Variants in PKHD1 observed in about 807,000 individuals in gnomAD.
PKHD1 encodes PKHD1 ciliary IPT domain containing fibrocystin/polyductin, also known as fibrocystin.
A neutral mutation model predicts 412.0 loss-of-function variants in PKHD1; 291 were observed. That is an observed-to-expected ratio of 0.71 (90% confidence interval 0.64 to 0.78). The LOEUF (loss-of-function observed/expected upper bound fraction) is 0.78, where lower values mean the gene tolerates loss of function less well. PKHD1 is among the 30% of genes least tolerant of loss of function. PKHD1 has a pLI of 0.00. For synonymous variants in PKHD1, 1,777 were observed against 1,821.5 expected (o/e 0.98, Z 0.62); for missense variants, 4,825 against 4,950.7 (o/e 0.97, Z 0.76).
At chr6:51,768,850 C>T (rs1477922526) in intron 55 of PKHD1, among the ~76,000 whole-genome samples, 1 of 151,492 alleles carries the variant, frequency 6.6e-6, no homozygotes, top group Non-Finnish European at 1.5e-5. Flanking sequence ...ATGGTTATAC[C>T]ATCCAAATAA....
At chr6:51,850,219 T>C (rs530120626) in intron 49 of PKHD1, among the ~76,000 whole-genome samples, 41 of 152,352 alleles carry the variant, frequency 2.7e-4, no homozygotes, top group Middle Eastern at 3.4e-3. Context: ...TGTGGTGTTA[T>C]TTCTGAAGTC....
chr6:51,709,057 T>C (rs1453388796), intron 60 of PKHD1, among the ~76,000 whole-genome samples: 1 of 152,210 alleles, frequency 6.6e-6, no homozygotes, highest in African/African-American at 2.4e-5. Flanking sequence ...CCTTAGATCA[T>C]AAGCATAGGT....
chr6:51,866,144 C>A (rs1775036446), intron 48 of PKHD1, among the ~76,000 whole-genome samples: 1 of 152,048 alleles, frequency 6.6e-6, no homozygotes, highest in Non-Finnish European at 1.5e-5. Context: ...CACATCAGGG[C>A]CAAGAGATTT....
intron 37 of PKHD1, among the ~76,000 whole-genome samples, chr6:51,927,314 G>A (rs1263329746): frequency 6.6e-6 from 1 of 152,128 alleles, no homozygotes; most frequent in Non-Finnish European, 1.5e-5. Flanking sequence ...GAGGACACAT[G>A]CATAGGATCA....
intron 65 of PKHD1, among the ~76,000 whole-genome samples, chr6:51,630,035 GT>G (rs1767737578): frequency 6.6e-6 from 1 of 152,040 alleles, no homozygotes; most frequent in Admixed American, 6.6e-5. Flanking sequence ...ATATGTCAAC[GT>G]TGAGAAGATC....
chr6:51,648,145 G>T, intron 62 of PKHD1, 27 bp from the exon 63 acceptor site: 1 of 1,313,770 alleles, frequency 7.6e-7, no homozygotes, highest in Non-Finnish European at 1.1e-6. Context: ...GAGGAGGGAG[G>T]AAGAAAAAGT....
At chr6:51,643,252 G>C (rs1769610270) in intron 63 of PKHD1, among the ~76,000 whole-genome samples, 1 of 152,024 alleles carries the variant, frequency 6.6e-6, no homozygotes, top group Non-Finnish European at 1.5e-5. Flanking sequence ...GGGCAACCTT[G>C]GATAAATTCA....
At chr6:51,940,569 G>A (rs924802981) in intron 36 of PKHD1, among the ~76,000 whole-genome samples, 2 of 151,658 alleles carry the variant, frequency 1.3e-5, no homozygotes, top group African/African-American at 4.8e-5. Context: ...CAACTCACCT[G>A]GAAGCCACTT....
intron 33 of PKHD1, among the ~76,000 whole-genome samples, chr6:52,019,905 A>C (rs1490599648): frequency 6.6e-6 from 1 of 152,224 alleles, no homozygotes; most frequent in Non-Finnish European, 1.5e-5. Context: ...CCTCCAAAAT[A>C]GCAAAAGCAC....
intron 43 of PKHD1, among the ~76,000 whole-genome samples, chr6:51,900,464 C>T (rs1781051614): frequency 6.6e-6 from 1 of 152,124 alleles, no homozygotes; most frequent in Admixed American, 6.5e-5. Flanking sequence ...AATTGGCTAG[C>T]CATATGTAGA....
intron 1 of PKHD1, among the ~76,000 whole-genome samples, chr6:52,087,064 A>G (rs961516649): frequency 1.3e-5 from 2 of 152,184 alleles, no homozygotes; most frequent in Non-Finnish European, 2.9e-5. Flanking sequence ...AAAACCCTAC[A>G]TTTGGAACTG....
At chr6:51,804,950 C>A (rs1404512886) in intron 52 of PKHD1, among the ~76,000 whole-genome samples, 1 of 112,172 alleles carries the variant, frequency 8.9e-6, no homozygotes, top group Non-Finnish European at 1.9e-5. Context: ...ATTAGTTCAG[C>A]CACTGTGGAA....
chr6:51,809,978 A>G (rs1002790839), intron 52 of PKHD1, among the ~76,000 whole-genome samples: 7 of 151,832 alleles, frequency 4.6e-5, no homozygotes, highest in African/African-American at 1.7e-4. Flanking sequence ...TGGTATCTCC[A>G]GTAATAGAAA....
chr6:51,938,076 C>T (rs1032783935), intron 36 of PKHD1, among the ~76,000 whole-genome samples: 6 of 152,208 alleles, frequency 3.9e-5, no homozygotes, highest in Non-Finnish European at 7.3e-5. Context: ...CAAAATTAAA[C>T]TACCTTTGTA....
In PKHD1 at chr6:52,043,706, G is replaced by C; in HGVS notation, c.2740C>G (p.Pro914Ala). Reference protein sequence around the residue: ...TQVVVRVNDVPAHCPGSCSFQ... With the variant: ...TQVVVRVNDVAAHCPGSCSFQ... ...GAGCAGGAACCTGGGCAATGAGCTG[G>C]TACATCATTCACTCGCACAACCACC... is the stretch of plus-strand genomic sequence containing the variant. Residue 914 changes from proline to alanine, a missense_variant, in exon 26 of 67, where the codon CCA becomes GCA. Physicochemically the swap from Pro to Ala is conservative, Grantham distance 27 (BLOSUM62 -1). Coordinates refer to ENST00000371117, the MANE Select transcript of PKHD1 (RefSeq NM_138694.4). 2 of 1,613,508 alleles carry C rather than the reference G, an allele frequency of 1.2e-6. No homozygotes were observed. Among genetic ancestry groups the C allele is most frequent in the Non-Finnish European group, 1.7e-6 (2 of 1,179,526 alleles).
At chr6:51,745,051 T>C (rs942047260) in intron 59 of PKHD1, among the ~76,000 whole-genome samples, 13 of 152,160 alleles carry the variant, frequency 8.5e-5, no homozygotes, top group African/African-American at 2.9e-4. Context: ...TCAAGTGGGC[T>C]ATATAAACAA....
At position 51,658,801 on chromosome 6, in the gene PKHD1, A is replaced by G. The variant is rs568933626; in HGVS notation, c.11174+151T>C. Reference sequence around the variant, plus strand: ...ATAGAATCTAAAAACTAAGAATTTAAGTCTTTAAATGACTCTTTGAATTTT... The same window carrying G: ...ATAGAATCTAAAAACTAAGAATTTAGGTCTTTAAATGACTCTTTGAATTTT... On this transcript the variant is annotated intron_variant, in intron 61 of 66. Transcript: ENST00000371117. 26 of 625,752 alleles carry G rather than the reference A, an allele frequency of 4.2e-5. No individual in the cohort carries two copies. The East Asian group carries it at 7.1e-4, about 17-fold the overall frequency. The allele number at this position is 625,752 out of a possible 1,614,324, so 38.8% of individuals were successfully genotyped here. A position where few individuals can be genotyped will look rare whatever the true frequency, so the allele number is the denominator to read the frequency against.
At chr6:51,624,213 A>G (rs1766973814) in intron 66 of PKHD1, among the ~76,000 whole-genome samples, 1 of 152,122 alleles carries the variant, frequency 6.6e-6, no homozygotes, top group Admixed American at 6.5e-5. Flanking sequence ...ATACCACCAT[A>G]CCAGGCTCTT....
At chr6:51,741,679 T>C (rs1226136395) in intron 60 of PKHD1, among the ~76,000 whole-genome samples, 1 of 152,214 alleles carries the variant, frequency 6.6e-6, no homozygotes, top group African/African-American at 2.4e-5. Flanking sequence ...ACCAGTTTGA[T>C]AACACTTCCC....
Sources: gnomAD v4.1 joint callset for allele counts (sites outside exome capture counted in the v4.1 genomes callset) on GRCh38, gnomAD v4.1.1 for gene constraint, MANE v1.5 for transcripts, NCBI Gene and HGNC (gene_info 2026-07-23, HGNC 2026-07-21) for gene names.